KCNAB1: variants seen among roughly 807,000 people sequenced by gnomAD.
KCNAB1 encodes the protein voltage-gated potassium channel subunit beta-1.
Under a neutral mutation model 64.6 loss-of-function variants are expected in KCNAB1, and 35 were observed. The ratio of observed to expected loss-of-function variants is 0.54; its 90% CI spans 0.41 to 0.72. KCNAB1 has a LOEUF of 0.72. KCNAB1 is among the 30% of genes least tolerant of loss of function. The pLI, the probability that KCNAB1 is intolerant of heterozygous loss-of-function variation, is 0.00. For synonymous variants in KCNAB1, 177 were observed against 183.8 expected, an observed-to-expected ratio of 0.96 and a Z score of 0.30; for missense variants, 401 against 512.9, an observed-to-expected ratio of 0.78 and a Z score of 2.11.
At chr3:156,161,883 A>G (rs1201681549) in intron 1 of KCNAB1, among the ~76,000 whole-genome samples, 1 of 152,244 alleles carries the variant, frequency 6.6e-6, no homozygotes, top group South Asian at 2.1e-4. Flanking sequence ...ATACCTATGC[A>G]TGTGAACTCA....
chr3:156,333,736 C>T (rs995862558), intron 1 of KCNAB1, among the ~76,000 whole-genome samples: 4 of 152,168 alleles, frequency 2.6e-5, no homozygotes, highest in African/African-American at 9.7e-5. Flanking sequence ...TCCAAATACA[C>T]TCCTAGTGAT....
At chr3:156,530,148 G>C (rs1327176225) in intron 12 of KCNAB1, among the ~76,000 whole-genome samples, 1 of 152,190 alleles carries the variant, frequency 6.6e-6, no homozygotes, top group Non-Finnish European at 1.5e-5. Context: ...AGAAATTTTA[G>C]CATGTTTTGT....
chr3:156,414,486 T>C (rs1714915012), intron 1 of KCNAB1, among the ~76,000 whole-genome samples: 1 of 152,222 alleles, frequency 6.6e-6, no homozygotes, highest in Admixed American at 6.5e-5. Flanking sequence ...GCGTAAATGA[T>C]TTTTTGATGT....
intron 1 of KCNAB1, among the ~76,000 whole-genome samples, chr3:156,189,295 G>C (rs913614829): frequency 2.0e-4 from 30 of 152,190 alleles, no homozygotes; most frequent in African/African-American, 6.3e-4. Context: ...CCTGTTCCAT[G>C]ATGAGAGCTG....
intron 1 of KCNAB1, among the ~76,000 whole-genome samples, chr3:156,158,316 A>G (rs2108305566): frequency 6.6e-6 from 1 of 152,106 alleles, no homozygotes; most frequent in East Asian, 1.9e-4. Flanking sequence ...TTTTGAGATA[A>G]GGTGAGATAG....
At chr3:156,460,100 A>G (rs1712787153) in intron 5 of KCNAB1, 1 of 465,770 alleles carries the variant, frequency 2.1e-6, no homozygotes, top group Non-Finnish European at 3.8e-6. Context: ...AGTTGAGCAG[A>G]GAAGGGGGGG....
chr3:156,301,428 G>A (rs1397202012), intron 1 of KCNAB1, among the ~76,000 whole-genome samples: 1 of 152,102 alleles, frequency 6.6e-6, no homozygotes, highest in Non-Finnish European at 1.5e-5. Flanking sequence ...TAGTGTCCGT[G>A]CATTTACTTT....
At chr3:156,253,688 T>C (rs1023122155) in intron 1 of KCNAB1, among the ~76,000 whole-genome samples, 1 of 152,212 alleles carries the variant, frequency 6.6e-6, no homozygotes, top group African/African-American at 2.4e-5. Flanking sequence ...TGAAACTTGC[T>C]TTGTCTAAAC....
At chr3:156,460,398 T>A (rs1377819055) in intron 5 of KCNAB1, 3 of 152,560 alleles carry the variant, frequency 2.0e-5, no homozygotes, top group Non-Finnish European at 2.9e-5. Flanking sequence ...ATGCTTCATC[T>A]GCTATCCTTG....
At chr3:156,210,675 T>C (rs1290540048) in intron 1 of KCNAB1, among the ~76,000 whole-genome samples, 1 of 152,118 alleles carries the variant, frequency 6.6e-6, no homozygotes, top group Non-Finnish European at 1.5e-5. Context: ...CAGGAGCAAG[T>C]GGCAGCACTG....
chr3:156,483,708 T>C (rs1714998417), intron 8 of KCNAB1, among the ~76,000 whole-genome samples: 1 of 152,132 alleles, frequency 6.6e-6, no homozygotes, highest in Admixed American at 6.6e-5. Flanking sequence ...TTCACCACTC[T>C]CAGTTGTTGA....
chr3:156,459,750 A>G, intron 4 of KCNAB1, 77 bp from the exon 5 acceptor site: 1 of 1,063,282 alleles, frequency 9.4e-7, no homozygotes, highest in Non-Finnish European at 1.4e-6. Flanking sequence ...CAAACAAGGA[A>G]TGGTTCTTGT....
chr3:156,317,226 C>T (rs191271207), intron 1 of KCNAB1, among the ~76,000 whole-genome samples: 1 of 152,278 alleles, frequency 6.6e-6, no homozygotes, highest in East Asian at 1.9e-4. Flanking sequence ...GACATATCCA[C>T]AGGACTAATT....
intron 1 of KCNAB1, among the ~76,000 whole-genome samples, chr3:156,336,154 G>A (rs1422974122): frequency 1.3e-5 from 2 of 152,148 alleles, no homozygotes; most frequent in Non-Finnish European, 2.9e-5. Context: ...GAGGTCAGAA[G>A]TTCGAAACCA....
At chr3:156,288,971 C>T (rs547677714) in intron 1 of KCNAB1, among the ~76,000 whole-genome samples, 34 of 152,162 alleles carry the variant, frequency 2.2e-4, no homozygotes, top group Non-Finnish European at 4.0e-4. Context: ...TTTCTTATCT[C>T]CTTCTCTCAA....
chr3:156,355,471 C>A (rs1351117359), intron 1 of KCNAB1, among the ~76,000 whole-genome samples: 2 of 151,954 alleles, frequency 1.3e-5, no homozygotes, highest in Non-Finnish European at 1.5e-5. Context: ...TGCCTGCTTG[C>A]AAAACAAAAA....
chr3:156,526,954 C>T (rs184919220), intron 12 of KCNAB1, among the ~76,000 whole-genome samples: 50 of 151,902 alleles, frequency 3.3e-4, no homozygotes, highest in African/African-American at 1.2e-3. Context: ...AAGATAAGGT[C>T]TATGCAAATA....
chr3:156,223,326 C>T lies in KCNAB1; in HGVS notation c.275+102440C>T, dbSNP rs1159320235. Among the ~76,000 whole-genome samples, 6 of 152,228 alleles carry T rather than the reference C, an allele frequency of 3.9e-5. No individual in the cohort carries two copies. In the East Asian group the frequency reaches 1.2e-3, roughly 29 times the overall value. On this transcript the variant is annotated intron_variant, in intron 1 of 13. Coordinates refer to ENST00000490337, the MANE Select transcript of KCNAB1 (RefSeq NM_172160.3). ...GACCCAAGCAGGTTGCCATTGCTGG[C>T]TTGGGCAGCCTGGTTTTATTCTCTT...
intron 1 of KCNAB1, among the ~76,000 whole-genome samples, chr3:156,357,159 GCACACACACACACACA>G (rs112441885): frequency 2.7e-5 from 4 of 147,314 alleles, no homozygotes; most frequent in African/African-American, 2.5e-5. Flanking sequence ...ACATGTGCGC[GCACACACACACACACA>G]CACACACACA....
Sources: allele counts gnomAD v4.1 joint callset (sites outside exome capture counted in the v4.1 genomes callset), GRCh38; gene constraint gnomAD v4.1.1; transcripts MANE v1.5; gene names NCBI Gene and HGNC (gene_info 2026-07-23, HGNC 2026-07-21).